The following REXO2 variants were observed in gnomAD, a reference collection of about 807,000 sequenced individuals.
REXO2 encodes oligoribonuclease, mitochondrial.
Under a neutral mutation model 30.9 loss-of-function variants are expected in REXO2, and 17 were observed. The observed-to-expected ratio is 0.55, with a 90% CI of 0.38 to 0.82. The LOEUF (loss-of-function observed/expected upper bound fraction) is 0.82. Ranked by LOEUF, REXO2 falls within the 40% of genes least tolerant of loss-of-function variation. The probability of loss-of-function intolerance (pLI) is 0.00; values close to 1 mark genes in which losing one functional copy is unlikely to be tolerated. For missense variants in REXO2, 253 were observed against 293.2 expected (o/e 0.86, Z 1.00); for synonymous variants, 105 against 99.6 (o/e 1.05, Z -0.32).
intron 6 of REXO2, among the ~76,000 whole-genome samples, chr11:114,448,507 A>G (rs971688987): frequency 6.6e-6 from 1 of 152,212 alleles, no homozygotes; most frequent in Non-Finnish European, 1.5e-5. Context: ...AGAAAGACCA[A>G]TCCCTAAAGA....
At position 114,443,473 on chromosome 11, in the gene REXO2, A is replaced by G. The variant is rs139969556; in HGVS notation, c.232-383A>G. 8.5e-3 allele frequency among the ~76,000 whole-genome samples: 1,297 copies of G among 151,958 alleles called. 27 individuals are homozygous for G. The highest frequency in any genetic ancestry group is 0.03 in the African/African-American group (1,245 of 41,434). Reference sequence around the variant, plus strand: ...TTTTCTGGAAAGAGCAAGTTATTAAATTGTTTAGGCTTTGAGTGCAGTCAT... The same window carrying G: ...TTTTCTGGAAAGAGCAAGTTATTAAGTTGTTTAGGCTTTGAGTGCAGTCAT... On this transcript the variant is annotated intron_variant, in intron 2 of 6. Coordinates refer to ENST00000265881, the MANE Select transcript of REXO2 (RefSeq NM_015523.4).
chr11:114,450,008 C>A lies in REXO2; in HGVS notation c.*33C>A, dbSNP rs754579803. 24 of 1,553,892 alleles carry A rather than the reference C, an allele frequency of 1.5e-5. No homozygotes were observed. The highest frequency in any genetic ancestry group is 1.2e-5 in the South Asian group (1 of 81,192). On this transcript the variant is annotated 3_prime_UTR_variant, in exon 7 of 7. Transcript: ENST00000265881. Reference sequence around the variant, plus strand: ...TATCATGCTGCCACTACATCGTTATCTGGAGGCAACTTCTGGTGGTTTTTT... The same window carrying A: ...TATCATGCTGCCACTACATCGTTATATGGAGGCAACTTCTGGTGGTTTTTT...
intron 2 of REXO2, chr11:114,442,046 T>C (rs1946482126): frequency 6.8e-6 from 3 of 440,336 alleles, no homozygotes; most frequent in South Asian, 4.8e-5. Context: ...ACTGACAGTT[T>C]AATGGACCCG....
At chr11:114,446,952 TTTTTGAGACGGAGTCTCGTTC>T (rs1946512928) in intron 5 of REXO2, among the ~76,000 whole-genome samples, 3 of 149,372 alleles carry the variant, frequency 2.0e-5, no homozygotes, top group African/African-American at 7.4e-5. Context: ...TTTTTTTTTT[TTTTTGAGACGGAGTCTCGTTC>T]TGTCGCCCAG....
At chr11:114,445,945 A>C (rs368216028) in intron 4 of REXO2, 34 bp from the exon 5 acceptor site, 21 of 1,097,400 alleles carry the variant, frequency 1.9e-5, no homozygotes, top group Non-Finnish European at 2.9e-5. Flanking sequence ...AATACTAGAA[A>C]TATAGAGATG....
At chr11:114,447,709 A>G (rs749219620) in intron 5 of REXO2, 117 bp from the exon 6 acceptor site, 51 of 775,986 alleles carry the variant, frequency 6.6e-5, no homozygotes, top group Non-Finnish European at 9.0e-5. Context: ...GCAAAGAAGC[A>G]ACTTGAGAAT....
intron 5 of REXO2, among the ~76,000 whole-genome samples, chr11:114,447,543 A>G (rs1040462080): frequency 6.6e-6 from 1 of 152,098 alleles, no homozygotes; most frequent in Non-Finnish European, 1.5e-5. Context: ...GTAGATTTTT[A>G]GATGGAGATA....
chr11:114,447,977 G>T (rs1036099934), intron 6 of REXO2, 98 bp downstream of exon 6: 3 of 907,718 alleles, frequency 3.3e-6, no homozygotes, highest in Non-Finnish European at 3.4e-6. Flanking sequence ...CTTTTTTCTC[G>T]GGGAAAAGAT....
At chr11:114,443,720 G>A in intron 2 of REXO2, 136 bp from the exon 3 acceptor site, 1 of 620,090 alleles carries the variant, frequency 1.6e-6, no homozygotes, top group Non-Finnish European at 2.9e-6. Context: ...GGAATGAAGG[G>A]GGAACACTTA....
At chr11:114,449,725 G>GACAGTGACACTT in intron 6 of REXO2, 121 bp from the exon 7 acceptor site, 1 of 935,498 alleles carries the variant, frequency 1.1e-6, no homozygotes, top group Non-Finnish European at 1.6e-6. Context: ...GATGATGCTA[G>GACAGTGACACTT]ACAGTGACAC....
chr11:114,447,703 A>G, intron 5 of REXO2, 123 bp from the exon 6 acceptor site: 1 of 729,374 alleles, frequency 1.4e-6, no homozygotes, highest in East Asian at 2.7e-5. Flanking sequence ...GCCCCGGCAA[A>G]GAAGCAACTT....
In REXO2 at chr11:114,448,508, T is replaced by C. The variant is rs567638346; in HGVS notation, c.584+629T>C. Among the ~76,000 whole-genome samples, 3 of 152,302 alleles carry C rather than the reference T, an allele frequency of 2.0e-5. No homozygotes were observed. The South Asian group carries it at 6.2e-4, about 32-fold the overall frequency. On this transcript the variant is annotated intron_variant, in intron 6 of 6. Coordinates refer to ENST00000265881, the MANE Select transcript of REXO2 (RefSeq NM_015523.4). Reference sequence around the variant, plus strand: ...TTATAGGCAAATAGAGAAAGACCAATCCCTAAAGAGTCTGGCATTCTTACA... The same window carrying C: ...TTATAGGCAAATAGAGAAAGACCAACCCCTAAAGAGTCTGGCATTCTTACA...
intron 6 of REXO2, among the ~76,000 whole-genome samples, chr11:114,449,531 T>C (rs770078533): frequency 1.3e-5 from 2 of 152,134 alleles, no homozygotes; most frequent in Non-Finnish European, 2.9e-5. Flanking sequence ...CAGTAAAAAG[T>C]TTACTCTAGT....
At chr11:114,445,872 T>C (rs1489496917) in intron 4 of REXO2, 107 bp from the exon 5 acceptor site, 3 of 707,088 alleles carry the variant, frequency 4.2e-6, no homozygotes, top group Non-Finnish European at 2.5e-6. Context: ...TAGGAATTGT[T>C]TGAATTTTAA....
rs199837970 is a variant in REXO2 at position 114,439,507 on chromosome 11, C to T, written c.-22C>T. ...GCCAGCGCCGGCTGCGAGACTGGGG[C>T]CGTGGCTGCTGGTCCCGGGTGATGC... On this transcript the variant is annotated 5_prime_UTR_variant, in exon 1 of 7. Transcript: ENST00000265881. The T allele has an allele frequency of 1.3e-3, 2,136 of 1,601,320 alleles. 2 individuals are homozygous for T. The highest frequency in any genetic ancestry group is 1.7e-3 in the Non-Finnish European group (2,027 of 1,178,478).
chr11:114,446,108 C>T, intron 5 of REXO2, 21 bp downstream of exon 5: 2 of 1,252,028 alleles, frequency 1.6e-6, no homozygotes, highest in South Asian at 1.4e-5. Context: ...TATTTAGGAT[C>T]CATTAAATTA....
At chr11:114,443,764 A>G in intron 2 of REXO2, 92 bp from the exon 3 acceptor site, 1 of 859,174 alleles carries the variant, frequency 1.2e-6, no homozygotes, top group Non-Finnish European at 1.9e-6. Context: ...TCTGATATGT[A>G]TATTTAGTCC....
At chr11:114,446,184 C>T (rs1946508656) in intron 5 of REXO2, 97 bp downstream of exon 5, 11 of 679,166 alleles carry the variant, frequency 1.6e-5, no homozygotes, top group Non-Finnish European at 2.7e-5. Flanking sequence ...AGAACTAAGG[C>T]TACCAAGTGG....
At chr11:114,443,671 T>A (rs776607843) in intron 2 of REXO2, among the ~76,000 whole-genome samples, 185 bp from the exon 3 acceptor site, 2 of 152,188 alleles carry the variant, frequency 1.3e-5, no homozygotes, top group Non-Finnish European at 2.9e-5. Context: ...GTGGTGTGTG[T>A]ATGTTCGTAT....
Sources: gnomAD v4.1 joint callset for allele counts (sites outside exome capture counted in the v4.1 genomes callset) on GRCh38, gnomAD v4.1.1 for gene constraint, MANE v1.5 for transcripts, NCBI Gene and HGNC (gene_info 2026-07-23, HGNC 2026-07-21) for gene names.